Variants in ATP13A5 observed in about 807,000 individuals in gnomAD.
ATP13A5 encodes the protein ATPase 13A5, also known as probable cation-transporting ATPase 13A5.
In ATP13A5, 149 loss-of-function variants were observed where a neutral mutation model predicts 150.2. That is an observed-to-expected ratio of 0.99 (90% confidence interval 0.87 to 1.14). ATP13A5 has a LOEUF of 1.14. ATP13A5 is among the 50% of genes most tolerant of loss of function. The pLI, the probability that ATP13A5 is intolerant of heterozygous loss-of-function variation, is 0.00. For missense variants in ATP13A5, 1,383 were observed against 1,449.3 expected (o/e 0.95, Z 0.74); for synonymous variants, 497 against 522.2 (o/e 0.95, Z 0.66).
chr3:193,337,978 T>G (rs4686631), intron 9 of ATP13A5, among the ~76,000 whole-genome samples: 87,105 of 151,934 alleles, frequency 0.57, 26,963 homozygotes, highest in East Asian at 0.7. Flanking sequence ...CTAGGTATTT[T>G]ATTCTCTTTG....
At chr3:193,341,331 G>A (rs1045940919) in intron 9 of ATP13A5, among the ~76,000 whole-genome samples, 1 of 152,088 alleles carries the variant, frequency 6.6e-6, no homozygotes, top group Non-Finnish European at 1.5e-5. Flanking sequence ...GTTTGATCAT[G>A]GATTGAGAGA....
intron 13 of ATP13A5, among the ~76,000 whole-genome samples, chr3:193,326,679 G>A (rs1315430329): frequency 6.6e-6 from 1 of 152,132 alleles, no homozygotes; most frequent in African/African-American, 2.4e-5. Context: ...GCCTGCGCTA[G>A]CCACCCAGGA....
chr3:193,361,382 A>G (rs1301659720), intron 5 of ATP13A5, among the ~76,000 whole-genome samples: 1 of 152,172 alleles, frequency 6.6e-6, no homozygotes, highest in African/African-American at 2.4e-5. Context: ...GGTGTGTGTG[A>G]GAATTATGGG....
chr3:193,328,336 T>C (rs1486659501), intron 12 of ATP13A5, among the ~76,000 whole-genome samples: 1 of 152,266 alleles, frequency 6.6e-6, no homozygotes, highest in East Asian at 1.9e-4. Flanking sequence ...GAGTGAATTA[T>C]TTCTTAAACA....
chr3:193,348,711 T>C (rs1712448049), intron 7 of ATP13A5, among the ~76,000 whole-genome samples: 1 of 152,222 alleles, frequency 6.6e-6, no homozygotes, highest in Admixed American at 6.5e-5. Context: ...CCTAAGTCTT[T>C]AATTCAGTGA....
At chr3:193,346,384 G>A (rs1712337400) in intron 7 of ATP13A5, among the ~76,000 whole-genome samples, 3 of 152,146 alleles carry the variant, frequency 2.0e-5, no homozygotes, top group Admixed American at 2.0e-4. Flanking sequence ...GGGACAGAAA[G>A]GCAGAGGTGA....
At chr3:193,362,769 CTTT>C in intron 3 of ATP13A5, 132 bp from the exon 4 acceptor site, 2 of 325,600 alleles carry the variant, frequency 6.1e-6, no homozygotes, top group Non-Finnish European at 1.1e-5. Context: ...TTCTTTCTTT[CTTT>C]CTTTCTTTCT....
At chr3:193,277,223 A>G (rs1717258901) in intron 28 of ATP13A5, among the ~76,000 whole-genome samples, 1 of 152,226 alleles carries the variant, frequency 6.6e-6, no homozygotes, top group Non-Finnish European at 1.5e-5. Flanking sequence ...AGCAAATTCT[A>G]CCTGGAATTC....
In ATP13A5 at chr3:193,275,086, ATT is replaced by A. The variant is rs1263436680; in HGVS notation, c.3611_3612del (p.Lys1204IlefsTer33). On this transcript the variant is annotated frameshift_variant, in exon 30 of 30. Coordinates refer to ENST00000342358, the MANE Select transcript of ATP13A5 (RefSeq NM_198505.4). LOFTEE classifies it high-confidence loss of function. Reference protein sequence around the residue: ...SHEQIPKRKLKLGGQPTEQHF... With the variant: ...SHEQIPKRKLXLGGQPTEQHF... ...TGCTGTTCTGTGGGTTGGCCTCCCA[ATT>A]TGAGTTTTCTTTTTGGAATCTGTTC... is the stretch of plus-strand genomic sequence containing the variant. 3 of 1,614,144 alleles carry A rather than the reference ATT, an allele frequency of 1.9e-6. No homozygotes were observed. Among genetic ancestry groups the A allele is most frequent in the Admixed American group, 3.3e-5 (2 of 60,022 alleles).
At chr3:193,375,967 C>T (rs1713626441) in intron 1 of ATP13A5, among the ~76,000 whole-genome samples, 1 of 152,180 alleles carries the variant, frequency 6.6e-6, no homozygotes, top group African/African-American at 2.4e-5. Context: ...GGATTGTTCA[C>T]TTGAAATAAT....
At chr3:193,305,510 G>T in intron 23 of ATP13A5, 49 bp downstream of exon 23, 2 of 1,405,676 alleles carry the variant, frequency 1.4e-6, no homozygotes, top group South Asian at 1.2e-5. Flanking sequence ...TGCAGAGCCA[G>T]ACAATGGGCC....
At chr3:193,321,131 C>T (rs1344379106) in intron 16 of ATP13A5, among the ~76,000 whole-genome samples, 1 of 152,164 alleles carries the variant, frequency 6.6e-6, no homozygotes, top group East Asian at 1.9e-4. Flanking sequence ...CTGATGCAAG[C>T]TTCACATCTC....
At chr3:193,353,073 A>C (rs1712629039) in intron 6 of ATP13A5, among the ~76,000 whole-genome samples, 1 of 152,124 alleles carries the variant, frequency 6.6e-6, no homozygotes, top group Admixed American at 6.5e-5. Flanking sequence ...CAAAGTCATA[A>C]CCAATGAAGG....
intron 1 of ATP13A5, among the ~76,000 whole-genome samples, chr3:193,365,466 G>A (rs886376783): frequency 1.9e-4 from 29 of 152,144 alleles, no homozygotes; most frequent in Non-Finnish European, 3.1e-4. Flanking sequence ...CATTCACCCT[G>A]CTTTTAAGCA....
At chr3:193,282,064 C>T (rs1361261518) in intron 27 of ATP13A5, among the ~76,000 whole-genome samples, 24 of 151,942 alleles carry the variant, frequency 1.6e-4, no homozygotes, top group South Asian at 4.2e-4. Flanking sequence ...GGCGTGGTGG[C>T]GGGCACCTGT....
chr3:193,371,114 G>A (rs545548431), intron 1 of ATP13A5, among the ~76,000 whole-genome samples: 1 of 152,262 alleles, frequency 6.6e-6, no homozygotes, highest in East Asian at 1.9e-4. Context: ...GAGATGCCTG[G>A]CCCAAGTAGC....
intron 12 of ATP13A5, among the ~76,000 whole-genome samples, chr3:193,329,760 T>C (rs1711558315): frequency 1.3e-5 from 2 of 152,170 alleles, no homozygotes; most frequent in South Asian, 2.1e-4. Context: ...AGTCTACTCA[T>C]TGGAGTCACT....
At position 193,311,902 on chromosome 3, in the gene ATP13A5, C is replaced by G; in HGVS notation, c.2359G>C (p.Gly787Arg). Residue 787 changes from glycine (G) to arginine (R), a missense_variant, in exon 20 of 30, where the codon GGG becomes CGG. By Grantham distance (125) the Gly-to-Arg change is moderately radical (BLOSUM62 -2). This residue lies in a region of ATP13A5 where 568 missense variants were observed against 621.5 expected (regional missense o/e 0.91). Transcript: ENST00000342358. ...MHTGNSSTPR[G>R]EGGSCYHFAM... ...AAATGGTAACAGCTTCCTCCTTCCC[C>G]ACGAGGGGTTGAACTGTTTCCAGTA... is the stretch of plus-strand genomic sequence containing the variant. 6.2e-7 allele frequency: 1 copy of G among 1,613,878 alleles called. No individual in the cohort carries two copies.
intron 1 of ATP13A5, among the ~76,000 whole-genome samples, chr3:193,368,841 T>A (rs1368393130): frequency 6.6e-6 from 1 of 152,010 alleles, no homozygotes; most frequent in African/African-American, 2.4e-5. Flanking sequence ...CAATAAATCA[T>A]CTGAAAGAAA....
Sources: allele counts gnomAD v4.1 joint callset (sites outside exome capture counted in the v4.1 genomes callset), GRCh38; gene constraint gnomAD v4.1.1; regional missense constraint gnomAD v4.1.1; transcripts MANE v1.5; gene names NCBI Gene and HGNC (gene_info 2026-07-23, HGNC 2026-07-21).